The following EVC variants were observed in gnomAD, a reference collection of about 807,000 sequenced individuals.
The protein encoded by EVC is EvC ciliary complex subunit 1.
Under a neutral mutation model 118.9 loss-of-function variants are expected in EVC, and 116 were observed. The observed-to-expected ratio is 0.98, with a 90% CI of 0.84 to 1.14. The LOEUF is 1.14. EVC is among the 50% of genes most tolerant of loss of function. The probability of loss-of-function intolerance (pLI) is 0.00; values close to 1 mark genes in which losing one functional copy is unlikely to be tolerated. For missense variants in EVC, 1,401 were observed against 1,246.4 expected (o/e 1.12, Z -1.87); for synonymous variants, 619 against 534.7 (o/e 1.16, Z -2.18).
intron 9 of EVC, among the ~76,000 whole-genome samples, 175 bp downstream of exon 9, chr4:5,753,227 C>A (rs999660320): frequency 2.0e-5 from 3 of 152,216 alleles, no homozygotes; most frequent in Non-Finnish European, 4.4e-5. Flanking sequence ...GGCTCTCTTC[C>A]CTTCTCTGTA....
At chr4:5,815,807 A>T (rs529846681), downstream of EVC, among the ~76,000 whole-genome samples, 1 of 152,204 alleles carries the variant, frequency 6.6e-6, no homozygotes, top group East Asian at 1.9e-4. Flanking sequence ...TGGAATGTAC[A>T]CCATTGACCG....
intron 11 of EVC, among the ~76,000 whole-genome samples, chr4:5,779,826 C>G (rs1341339568): frequency 1.4e-5 from 2 of 141,830 alleles, no homozygotes; most frequent in Non-Finnish European, 3.0e-5. Flanking sequence ...AATTGAATAC[C>G]CTTTATTTCC....
At chr4:5,773,683 CT>C (rs1734315119) in intron 11 of EVC, among the ~76,000 whole-genome samples, 1 of 152,022 alleles carries the variant, frequency 6.6e-6, no homozygotes. Flanking sequence ...GGTATCCTCC[CT>C]TCCTTTTTTA....
At chr4:5,805,858 C>A (rs1715788539) in intron 17 of EVC, among the ~76,000 whole-genome samples, 1 of 150,692 alleles carries the variant, frequency 6.6e-6, no homozygotes, top group African/African-American at 2.4e-5. Flanking sequence ...CCCTCCCTGT[C>A]ACACCTCCTT....
Position 5,740,353 on chromosome 4 carries a change from C to A in EVC, c.703-1363C>A, listed in dbSNP as rs554560573. On this transcript the variant is annotated intron_variant, in intron 5 of 20. Coordinates refer to ENST00000264956, the MANE Select transcript of EVC (RefSeq NM_153717.3). ...GGGTGTGGTGGCACATGCTTGTAAT[C>A]CCACCTACTTGGGAGGCTGAGGTGG... is the stretch of plus-strand genomic sequence containing the variant. 5.9e-5 allele frequency among the ~76,000 whole-genome samples: 9 copies of A among 151,850 alleles called. No homozygotes were observed. The South Asian group carries it at 6.3e-4, about 11-fold the overall frequency.
chr4:5,814,778 C>T (rs965419675), downstream of EVC, among the ~76,000 whole-genome samples: 4 of 151,998 alleles, frequency 2.6e-5, no homozygotes, highest in South Asian at 2.1e-4. Flanking sequence ...CTCCCCAGCC[C>T]TCTGCCCAGT....
chr4:5,825,067 G>C, the EVC span: 1 of 985,262 alleles, frequency 1.0e-6, no homozygotes, highest in African/African-American at 1.7e-5. This position sits in a 1 kb window ranked among gnomAD's most constrained non-coding sequence, Gnocchi z 4.4. Context: ...CATGGGTTAT[G>C]AAAGTGCTTA....
intron 2 of EVC, among the ~76,000 whole-genome samples, chr4:5,724,292 T>C (rs1256772740): frequency 1.3e-5 from 2 of 152,188 alleles, no homozygotes; most frequent in African/African-American, 4.8e-5. Context: ...TCGAGAGAGA[T>C]GTAGGAGGTT....
chr4:5,745,194 T>G lies in EVC; in HGVS notation c.802-10T>G. ...GTTTATTTGCTTTCTTTTTTCTTCT[T>G]CTTCTTCAGGATTTGGAGGAACTAG... On this transcript the variant is annotated splice_polypyrimidine_tract_variant and intron_variant, in intron 6 of 20. Transcript: ENST00000264956. 6.2e-7 allele frequency: 1 copy of G among 1,612,124 alleles called. No homozygotes were observed. The highest frequency in any genetic ancestry group is 8.5e-7 in the Non-Finnish European group (1 of 1,179,160).
At position 5,711,236 on chromosome 4, in the gene EVC, G is replaced by A. The variant is rs1169811915; in HGVS notation, c.-145G>A. ...GAAGCAGGGAAGGGGAGAGAAGCAG[G>A]AGTCGGGAGACTGCACAGGCCAGAA... is the stretch of plus-strand genomic sequence containing the variant. On this transcript the variant is annotated 5_prime_UTR_variant, in exon 1 of 21. Coordinates refer to ENST00000264956, the MANE Select transcript of EVC (RefSeq NM_153717.3). The A allele has an allele frequency of 2.5e-6, 1 of 396,640 alleles. No individual in the cohort carries two copies. Among genetic ancestry groups the A allele is most frequent in the East Asian group, 1.6e-4 (1 of 6,172 alleles). The allele number at this position is 396,640 out of a possible 1,614,324, so 24.6% of individuals were successfully genotyped here.
chr4:5,725,760 T>C (rs781154989), intron 2 of EVC, among the ~76,000 whole-genome samples: 1 of 152,236 alleles, frequency 6.6e-6, no homozygotes, highest in Non-Finnish European at 1.5e-5. Flanking sequence ...TGCGGTTGTT[T>C]TTGGCATTTT....
chr4:5,719,423 G>A lies in EVC; in HGVS notation c.300+50G>A. The A allele has an allele frequency of 1.2e-6, 2 of 1,613,052 alleles. No individual in the cohort carries two copies. The highest frequency in any genetic ancestry group is 1.7e-6 in the Non-Finnish European group (2 of 1,179,728). ...TGTGGAGGCACATGTGGGAGGTGGG[G>A]TATTCCCCCTGGAAGCCGGGTGTCA... On this transcript the variant is annotated intron_variant, in intron 2 of 20. Transcript: ENST00000264956. The surrounding 1 kb of genome is among the most constrained non-coding windows in gnomAD (Gnocchi z 4.7).
rs1235990730 is a variant in EVC at position 5,755,495 on chromosome 4, AC to A, written c.1465-767del. On this transcript the variant is annotated intron_variant, in intron 10 of 20. Coordinates refer to ENST00000264956, the MANE Select transcript of EVC (RefSeq NM_153717.3). The surrounding 1 kb of genome is among the most constrained non-coding windows in gnomAD (Gnocchi z 4.1). ...GGCTCCCAGTACACACTCAGCACCCACCTTTTTCCAGTCCCGCCCTTCTCTC... is the reference window on the plus strand; with the variant it reads ...GGCTCCCAGTACACACTCAGCACCCACTTTTTCCAGTCCCGCCCTTCTCTC... Among the ~76,000 whole-genome samples, 4 of 152,022 alleles carry A rather than the reference AC, an allele frequency of 2.6e-5. No homozygotes were observed. Among genetic ancestry groups the A allele is most frequent in the Non-Finnish European group, 4.4e-5 (3 of 67,986 alleles).
At chr4:5,751,653 C>T (rs1447639214) in intron 8 of EVC, among the ~76,000 whole-genome samples, 1 of 152,328 alleles carries the variant, frequency 6.6e-6, no homozygotes, top group Admixed American at 6.5e-5. Flanking sequence ...TGGCCCCTGT[C>T]TTCAAGGGCT....
At chr4:5,826,374 G>C in the EVC span, 2 of 153,180 alleles carry the variant, frequency 1.3e-5, no homozygotes, top group East Asian at 3.9e-4. Flanking sequence ...GGGGAGCTGA[G>C]ACAGGGAGGG....
Position 5,793,589 on chromosome 4 carries a change from C to T in EVC, c.1777-19C>T. 6.5e-7 allele frequency: 1 copy of T among 1,545,864 alleles called. No homozygotes were observed. Among genetic ancestry groups the T allele is most frequent in the Middle Eastern group, 1.7e-4 (1 of 5,898 alleles). On this transcript the variant is annotated intron_variant, in intron 12 of 20. Coordinates refer to ENST00000264956, the MANE Select transcript of EVC (RefSeq NM_153717.3). ...GTGAGTAACCACATGCCTGCTCTGT[C>T]CCTCTGTCCCGAGTTCAGGTGTGGA...
At chr4:5,748,574 A>ATCCG (rs1729762360) in intron 8 of EVC, among the ~76,000 whole-genome samples, 2 of 103,010 alleles carry the variant, frequency 1.9e-5, no homozygotes, top group African/African-American at 3.9e-5. Context: ...TTATCCATCC[A>ATCCG]TCCATCCACC....
chr4:5,781,700 A>G (rs539290247), intron 11 of EVC, among the ~76,000 whole-genome samples: 6 of 152,158 alleles, frequency 3.9e-5, no homozygotes, highest in Non-Finnish European at 7.3e-5. Context: ...TTAGCCAGGC[A>G]TAGTGGCATA....
At position 5,749,341 on chromosome 4, in the gene EVC, G is replaced by GAA. The variant is rs57482108; in HGVS notation, c.1098+1053_1098+1054dup. 4.3e-4 allele frequency among the ~76,000 whole-genome samples: 53 copies of GAA among 121,858 alleles called. 1 individual carries two copies. Among genetic ancestry groups the GAA allele is most frequent in the African/African-American group, 1.2e-3 (39 of 31,312 alleles). 79.9% of individuals were successfully genotyped at this position (121,858 alleles called of 152,430 possible). ...TAACACTAACGATAGCTGATGAGCG[G>GAA]AAAAAAAAAAAAAAAAAAAGGTCCC... On this transcript the variant is annotated intron_variant, in intron 8 of 20. Coordinates refer to ENST00000264956, the MANE Select transcript of EVC (RefSeq NM_153717.3). This position sits in a 1 kb window ranked among gnomAD's most constrained non-coding sequence, Gnocchi z 4.4.
Sources: allele counts gnomAD v4.1 joint callset (sites outside exome capture counted in the v4.1 genomes callset), GRCh38; gene constraint gnomAD v4.1.1; non-coding constraint Gnocchi (gnomAD v3.1); transcripts MANE v1.5; gene names NCBI Gene and HGNC (gene_info 2026-07-23, HGNC 2026-07-21).